HPSE2: variants seen among roughly 807,000 people sequenced by gnomAD.
HPSE2 encodes heparanase 2 (inactive).
HPSE2 carries 38 observed loss-of-function variants against 60.5 expected under a neutral mutation model. That is an observed-to-expected ratio of 0.63 (90% CI 0.48 to 0.82). The LOEUF (loss-of-function observed/expected upper bound fraction) is 0.82, where lower values mean the gene tolerates loss of function less well. HPSE2 is among the 40% of genes least tolerant of loss of function. HPSE2 has a pLI of 0.00. For synonymous variants in HPSE2, 295 were observed against 293.2 expected, an observed-to-expected ratio of 1.01 and a Z score of -0.06; for missense variants, 713 against 740.4, an observed-to-expected ratio of 0.96 and a Z score of 0.43.
chr10:98,979,061 T>A (rs1449646926), intron 3 of HPSE2, among the ~76,000 whole-genome samples: 1 of 152,182 alleles, frequency 6.6e-6, no homozygotes, highest in Non-Finnish European at 1.5e-5. Flanking sequence ...GTGATTCTGC[T>A]GTTTAAAATG....
At position 99,069,132 on chromosome 10, in the gene HPSE2, C is replaced by T. The variant is rs541313813; in HGVS notation, c.610+75106G>A. On this transcript the variant is annotated intron_variant, in intron 3 of 11. Transcript: ENST00000370552. ...ATTCTATAAGTTCAGTACTTCCCTGCGAGTACTTCTAAACCCAGTTGAAAC... is the reference window on the plus strand; with the variant it reads ...ATTCTATAAGTTCAGTACTTCCCTGTGAGTACTTCTAAACCCAGTTGAAAC... 9.2e-5 allele frequency among the ~76,000 whole-genome samples: 14 copies of T among 152,202 alleles called. No individual in the cohort carries two copies. The East Asian group carries it at 1.7e-3, about 19-fold the overall frequency.
chr10:99,183,925 G>A (rs551060686), intron 2 of HPSE2, among the ~76,000 whole-genome samples: 10 of 152,242 alleles, frequency 6.6e-5, no homozygotes, highest in African/African-American at 2.4e-4. Context: ...CCTCAGTAGA[G>A]AAGCCAAATT....
chr10:99,008,992 G>A (rs1284869298), intron 3 of HPSE2, among the ~76,000 whole-genome samples: 2 of 152,112 alleles, frequency 1.3e-5, no homozygotes, highest in African/African-American at 4.8e-5. Context: ...TCCTGCTGCT[G>A]TGTCAAGTTT....
At chr10:98,920,464 C>T (rs374134025) in intron 3 of HPSE2, among the ~76,000 whole-genome samples, 6 of 152,150 alleles carry the variant, frequency 3.9e-5, no homozygotes, top group African/African-American at 1.4e-4. Context: ...TGACACAATA[C>T]TTTAAGTAAA....
intron 3 of HPSE2, among the ~76,000 whole-genome samples, chr10:98,861,040 A>C (rs1952447272): frequency 6.6e-6 from 1 of 152,228 alleles, no homozygotes; most frequent in African/African-American, 2.4e-5. Context: ...ATGAATGCAA[A>C]GGCAGTTGGC....
intron 3 of HPSE2, among the ~76,000 whole-genome samples, chr10:98,819,619 A>G (rs958774416): frequency 6.6e-6 from 1 of 152,142 alleles, no homozygotes; most frequent in African/African-American, 2.4e-5. Context: ...TCTTTAACCT[A>G]AATAATGAAA....
intron 2 of HPSE2, among the ~76,000 whole-genome samples, chr10:99,182,607 C>A (rs1334831863): frequency 6.6e-6 from 1 of 152,090 alleles, no homozygotes; most frequent in Non-Finnish European, 1.5e-5. Context: ...TATCTGGGGA[C>A]AGGGAGACAT....
chr10:98,471,992 T>A (rs1383747971), intron 11 of HPSE2, among the ~76,000 whole-genome samples: 1 of 152,126 alleles, frequency 6.6e-6, no homozygotes, highest in Non-Finnish European at 1.5e-5. Flanking sequence ...GGTATGTATA[T>A]ACTTATTTAT....
At chr10:98,515,004 G>A (rs994938333) in intron 9 of HPSE2, among the ~76,000 whole-genome samples, 3 of 152,034 alleles carry the variant, frequency 2.0e-5, no homozygotes, top group South Asian at 4.1e-4. Flanking sequence ...GATTACAGGC[G>A]TGAGCCACCG....
intron 3 of HPSE2, among the ~76,000 whole-genome samples, chr10:98,965,953 G>A (rs540015262): frequency 2.0e-5 from 3 of 151,724 alleles, no homozygotes; most frequent in South Asian, 4.2e-4. Flanking sequence ...GCAGTGGCGC[G>A]AATCTGGGCT....
At chr10:98,804,737 A>C (rs1951001904) in intron 3 of HPSE2, among the ~76,000 whole-genome samples, 1 of 152,128 alleles carries the variant, frequency 6.6e-6, no homozygotes, top group Non-Finnish European at 1.5e-5. Flanking sequence ...TCCTCAGAAA[A>C]CTAAAAATAG....
At chr10:98,760,605 G>A (rs1949983680) in intron 3 of HPSE2, among the ~76,000 whole-genome samples, 1 of 152,038 alleles carries the variant, frequency 6.6e-6, no homozygotes, top group Non-Finnish European at 1.5e-5. Flanking sequence ...CACATTTAGT[G>A]ATTTGTGTAT....
At chr10:99,086,777 T>C (rs1019216732) in intron 3 of HPSE2, among the ~76,000 whole-genome samples, 15 of 152,260 alleles carry the variant, frequency 9.9e-5, no homozygotes, top group Admixed American at 4.6e-4. Flanking sequence ...TTTTCCCATT[T>C]TGAAGACTAA....
intron 9 of HPSE2, among the ~76,000 whole-genome samples, chr10:98,492,958 T>C (rs929408927): frequency 5.3e-5 from 8 of 152,226 alleles, no homozygotes; most frequent in Admixed American, 5.2e-4. Flanking sequence ...TGAAACTCTG[T>C]ACCCATTAAA....
intron 7 of HPSE2, among the ~76,000 whole-genome samples, chr10:98,639,916 T>C (rs1946595005): frequency 6.6e-6 from 1 of 152,194 alleles, no homozygotes; most frequent in African/African-American, 2.4e-5. Flanking sequence ...TATAGGAACT[T>C]GACTATCTTG....
chr10:99,009,342 C>T (rs1956961895), intron 3 of HPSE2, among the ~76,000 whole-genome samples: 1 of 151,634 alleles, frequency 6.6e-6, no homozygotes, highest in African/African-American at 2.4e-5. Flanking sequence ...ATTGCATGAG[C>T]CCAGGAGTTT....
chr10:98,610,592 T>G (rs949081486), intron 9 of HPSE2, among the ~76,000 whole-genome samples: 1 of 152,108 alleles, frequency 6.6e-6, no homozygotes, highest in Non-Finnish European at 1.5e-5. Flanking sequence ...TCAGGGAAAG[T>G]AGGCAAAAAA....
chr10:98,605,069 C>T (rs564466728), intron 9 of HPSE2, among the ~76,000 whole-genome samples: 4 of 152,326 alleles, frequency 2.6e-5, no homozygotes, highest in East Asian at 3.9e-4. Context: ...CTGCCAATGA[C>T]GTCTTGTTGC....
intron 3 of HPSE2, among the ~76,000 whole-genome samples, chr10:99,002,381 G>A (rs1004745711): frequency 6.6e-6 from 1 of 152,072 alleles, no homozygotes; most frequent in Non-Finnish European, 1.5e-5. Context: ...GGATACCGAG[G>A]AAGGGTAAGT....
Sources: gnomAD v4.1 joint callset for allele counts (sites outside exome capture counted in the v4.1 genomes callset) on GRCh38, gnomAD v4.1.1 for gene constraint, MANE v1.5 for transcripts, NCBI Gene and HGNC (gene_info 2026-07-23, HGNC 2026-07-21) for gene names.